Variants in PRKG1 observed in about 807,000 individuals in gnomAD.
The protein encoded by PRKG1 is cGMP-dependent protein kinase 1.
In PRKG1, 35 loss-of-function variants were observed where a neutral mutation model predicts 88.1. The ratio of observed to expected loss-of-function variants is 0.40; its 90% CI spans 0.30 to 0.53. The LOEUF is 0.53. PRKG1 is among the 20% of genes least tolerant of loss of function. The probability of loss-of-function intolerance (pLI) is 0.59; values close to 1 mark genes in which losing one functional copy is unlikely to be tolerated. For synonymous variants in PRKG1, 303 were observed against 292.5 expected (o/e 1.04, Z -0.37); for missense variants, 540 against 839.8 (o/e 0.64, Z 4.41).
intron 5 of PRKG1, among the ~76,000 whole-genome samples, chr10:51,992,280 C>A (rs1448706890): frequency 6.6e-6 from 1 of 152,048 alleles, no homozygotes; most frequent in Non-Finnish European, 1.5e-5. Flanking sequence ...AATGTGCACA[C>A]AGAGAAGGAT....
intron 1 of PRKG1, among the ~76,000 whole-genome samples, chr10:51,043,671 A>C (rs1425527290): frequency 6.6e-6 from 1 of 152,134 alleles, no homozygotes; most frequent in African/African-American, 2.4e-5. Context: ...CTATACCACA[A>C]ACTCCACAAG....
At chr10:51,950,548 C>G (rs530983716) in intron 5 of PRKG1, among the ~76,000 whole-genome samples, 2 of 152,232 alleles carry the variant, frequency 1.3e-5, no homozygotes, top group African/African-American at 4.8e-5. Context: ...TGAGCCAGGG[C>G]GGGATCTGGC....
At chr10:51,592,539 G>A (rs4935269) in intron 3 of PRKG1, among the ~76,000 whole-genome samples, 50,947 of 151,918 alleles carry the variant, frequency 0.34, 9,321 homozygotes, top group Non-Finnish European at 0.42. Flanking sequence ...CCTGCCTGCC[G>A]TGATTATTGA....
chr10:51,747,634 G>T (rs761616404), intron 3 of PRKG1, among the ~76,000 whole-genome samples: 4 of 152,108 alleles, frequency 2.6e-5, no homozygotes, highest in Non-Finnish European at 5.9e-5. Context: ...TTTCAGCACA[G>T]AATTCTTTGA....
chr10:52,030,434 T>A (rs1438939230), intron 5 of PRKG1, among the ~76,000 whole-genome samples: 1 of 152,210 alleles, frequency 6.6e-6, no homozygotes, highest in Non-Finnish European at 1.5e-5. Context: ...ATGCGTCTCC[T>A]CTGGACTGTA....
chr10:52,015,529 T>G (rs894336979), intron 5 of PRKG1, among the ~76,000 whole-genome samples: 1 of 152,164 alleles, frequency 6.6e-6, no homozygotes, highest in African/African-American at 2.4e-5. Context: ...CTGGAGACAT[T>G]TTTTTCCATT....
intron 7 of PRKG1, among the ~76,000 whole-genome samples, chr10:52,122,980 T>C (rs1847854603): frequency 1.3e-5 from 2 of 152,210 alleles, no homozygotes; most frequent in Admixed American, 1.3e-4. Context: ...AATTACTTTT[T>C]CTTCCCCTTT....
At chr10:51,474,590 A>G (rs752388465) in intron 3 of PRKG1, among the ~76,000 whole-genome samples, 41 of 152,102 alleles carry the variant, frequency 2.7e-4, no homozygotes, top group South Asian at 8.3e-4. Flanking sequence ...ATGAAACTTC[A>G]TGGTTCAGTG....
At chr10:51,467,932 T>G (rs769094192) in intron 3 of PRKG1, 96 bp downstream of exon 3, 1 of 1,014,890 alleles carries the variant, frequency 9.9e-7, no homozygotes, top group South Asian at 1.4e-5. Flanking sequence ...ATCTTTATAC[T>G]TTTATTTCTT....
chr10:51,625,753 T>C (rs1839320994), intron 3 of PRKG1, among the ~76,000 whole-genome samples: 1 of 152,114 alleles, frequency 6.6e-6, no homozygotes, highest in Non-Finnish European at 1.5e-5. Flanking sequence ...ATGAATTAAC[T>C]TTTCTTTGTA....
intron 2 of PRKG1, among the ~76,000 whole-genome samples, chr10:51,248,746 C>G (rs1839355040): frequency 6.6e-6 from 1 of 151,614 alleles, no homozygotes; most frequent in Admixed American, 6.6e-5. Context: ...AATTTATTCT[C>G]TATTGCAACT....
In PRKG1 at chr10:51,970,813, G is replaced by GTGTATATATATATATGTGA. The variant is rs1324368588; in HGVS notation, c.762+63245_762+63263dup. On this transcript the variant is annotated intron_variant, in intron 5 of 17. Transcript: ENST00000373980. ...AGATTATATATATATATCAGATGAT[G>GTGTATATATATATATGTGA]TGTATATATATATATGTGATATATA... Among the ~76,000 whole-genome samples, 4 of 141,376 alleles carry GTGTATATATATATATGTGA rather than the reference G, an allele frequency of 2.8e-5. No homozygotes were observed. The East Asian group carries it at 8.6e-4, about 30-fold the overall frequency. 92.7% of individuals were successfully genotyped at this position (141,376 alleles called of 152,430 possible). A position where few individuals can be genotyped will look rare whatever the true frequency, so the allele number is the denominator to read the frequency against.
intron 1 of PRKG1, among the ~76,000 whole-genome samples, chr10:51,079,781 C>G (rs1486928690): frequency 6.6e-6 from 1 of 152,102 alleles, no homozygotes; most frequent in Non-Finnish European, 1.5e-5. Flanking sequence ...CTTACCCCCA[C>G]CATCACAGTC....
At chr10:51,562,843 A>T (rs61849851) in intron 3 of PRKG1, among the ~76,000 whole-genome samples, 8,373 of 152,196 alleles carry the variant, frequency 0.055, 351 homozygotes, top group Middle Eastern at 0.085. Flanking sequence ...ATCTTAGCTA[A>T]CTGCAGCATT....
intron 2 of PRKG1, among the ~76,000 whole-genome samples, chr10:51,200,356 T>G (rs1837882919): frequency 6.6e-6 from 1 of 152,224 alleles, no homozygotes. Flanking sequence ...AATAACAGTT[T>G]GCTAAGAAAA....
chr10:51,658,480 G>A (rs2132326131), intron 3 of PRKG1, among the ~76,000 whole-genome samples: 1 of 151,970 alleles, frequency 6.6e-6, no homozygotes, highest in African/African-American at 2.4e-5. Context: ...ATGAAAAGTA[G>A]CCCAACAAAC....
chr10:51,310,779 G>A (rs1473618250), intron 2 of PRKG1, among the ~76,000 whole-genome samples: 1 of 152,066 alleles, frequency 6.6e-6, no homozygotes, highest in Non-Finnish European at 1.5e-5. Context: ...AATGAGACAA[G>A]GTGCCCCCAT....
chr10:51,138,808 G>C lies in PRKG1; in HGVS notation c.312-14356G>C, dbSNP rs562441032. 1.7e-4 allele frequency among the ~76,000 whole-genome samples: 24 copies of C among 142,740 alleles called. No homozygotes were observed. In the South Asian group the frequency reaches 5.5e-3, roughly 33 times the overall value. The allele number at this position is 142,740 out of a possible 152,430, so 93.6% of individuals were successfully genotyped here. On this transcript the variant is annotated intron_variant, in intron 1 of 17. Coordinates refer to ENST00000373980, the MANE Select transcript of PRKG1 (RefSeq NM_006258.4). ...AACGATTCCCCTGCCTCAGCCTCCC[G>C]AGTAGCTGGGATTACAGGCATGCGC... is the stretch of plus-strand genomic sequence containing the variant.
intron 4 of PRKG1, among the ~76,000 whole-genome samples, chr10:51,834,772 A>G (rs1840090977): frequency 1.3e-5 from 2 of 152,012 alleles, no homozygotes. Flanking sequence ...AAAAGAAAAA[A>G]GAAAAGAAAA....
Sources: allele counts gnomAD v4.1 joint callset (sites outside exome capture counted in the v4.1 genomes callset), GRCh38; gene constraint gnomAD v4.1.1; transcripts MANE v1.5; gene names NCBI Gene and HGNC (gene_info 2026-07-23, HGNC 2026-07-21).